Variants in ZFAT observed in about 807,000 individuals in gnomAD.
ZFAT encodes the protein zinc finger protein ZFAT.
In ZFAT, 64 loss-of-function variants were observed where a neutral mutation model predicts 117.7. That is an observed-to-expected ratio of 0.54 (90% CI 0.44 to 0.67). The LOEUF (loss-of-function observed/expected upper bound fraction) is 0.67, where lower values mean the gene tolerates loss of function less well. Ranked by LOEUF, ZFAT falls within the 30% of genes least tolerant of loss-of-function variation. The pLI, the probability that ZFAT is intolerant of heterozygous loss-of-function variation, is 0.00. For missense variants in ZFAT, 1,433 were observed against 1,584.5 expected, an observed-to-expected ratio of 0.90 and a Z score of 1.62; for synonymous variants, 679 against 615.0, an observed-to-expected ratio of 1.10 and a Z score of -1.54.
At chr8:134,733,522 A>T in the ZFAT span, among the ~76,000 whole-genome samples, 3 of 152,182 alleles carry the variant, frequency 2.0e-5, no homozygotes, top group Admixed American at 2.0e-4. Context: ...TATCTGCTGG[A>T]CCTATTGTCC....
At chr8:134,495,820 C>G (rs546007549) in intron 15 of ZFAT, among the ~76,000 whole-genome samples, 1 of 152,236 alleles carries the variant, frequency 6.6e-6, no homozygotes, top group African/African-American at 2.4e-5. Flanking sequence ...GTCCCAGCTA[C>G]TCTGGAGGCT....
At chr8:134,625,846 C>G (rs1156634173) in intron 3 of ZFAT, among the ~76,000 whole-genome samples, 1 of 152,162 alleles carries the variant, frequency 6.6e-6, no homozygotes. Flanking sequence ...GCATGGTCAC[C>G]GTGAGACCGT....
At chr8:134,535,849 A>G (rs1008877854) in intron 11 of ZFAT, among the ~76,000 whole-genome samples, 1 of 152,236 alleles carries the variant, frequency 6.6e-6, no homozygotes, top group African/African-American at 2.4e-5. Flanking sequence ...ATAAGCAAAT[A>G]ACATGAAGAT....
chr8:134,632,195 A>C (rs1489833310), intron 3 of ZFAT, among the ~76,000 whole-genome samples: 1 of 152,226 alleles, frequency 6.6e-6, no homozygotes, highest in Non-Finnish European at 1.5e-5. Context: ...AATGAAGATG[A>C]AGATCTTTAT....
rs76606074 is a variant in ZFAT at position 134,658,456 on chromosome 8, T to C, written c.20-719A>G. Among the ~76,000 whole-genome samples the C allele has an allele frequency of 8.0e-3, 1,223 of 152,276 alleles. 12 individuals carry two copies. Among genetic ancestry groups the C allele is most frequent in the African/African-American group, 0.028 (1,172 of 41,560 alleles). ...CTCTCAAATTACGCACAAGGAAAAG[T>C]TGACCACAATAGCATTTCTCAACAG... is the stretch of plus-strand genomic sequence containing the variant. On this transcript the variant is annotated intron_variant, in intron 1 of 15. Transcript: ENST00000377838.
chr8:134,639,829 C>G (rs1481312557), intron 2 of ZFAT: 2 of 455,436 alleles, frequency 4.4e-6, no homozygotes, highest in Non-Finnish European at 8.8e-6. Flanking sequence ...TTTACTGAAG[C>G]CTGCGGCCCA....
At chr8:134,571,606 A>G (rs770115875) in intron 10 of ZFAT, among the ~76,000 whole-genome samples, 34 of 152,352 alleles carry the variant, frequency 2.2e-4, no homozygotes, top group Non-Finnish European at 4.1e-4. Flanking sequence ...TTGACCAAAC[A>G]GCGTTCTCTA....
chr8:134,587,734 C>A (rs1265446858), intron 9 of ZFAT, among the ~76,000 whole-genome samples: 2 of 152,196 alleles, frequency 1.3e-5, no homozygotes, highest in African/African-American at 4.8e-5. Flanking sequence ...CCCAAAAGCA[C>A]AGCCTACCTT....
chr8:134,693,227 G>C (rs1833669640), intron 1 of ZFAT, among the ~76,000 whole-genome samples: 1 of 152,176 alleles, frequency 6.6e-6, no homozygotes, highest in African/African-American at 2.4e-5. Context: ...TGATTCCAGA[G>C]CTGGAACAGG....
intron 1 of ZFAT, among the ~76,000 whole-genome samples, chr8:134,693,238 G>A (rs1018532366): frequency 7.2e-5 from 11 of 152,276 alleles, no homozygotes; most frequent in African/African-American, 2.6e-4. Flanking sequence ...CTGGAACAGG[G>A]AAAGCAGAAA....
At chr8:134,831,835 G>T in the ZFAT span, among the ~76,000 whole-genome samples, 1 of 151,686 alleles carries the variant, frequency 6.6e-6, no homozygotes. Context: ...CGCCAAAAAA[G>T]CACCCCCCGA....
chr8:134,553,461 C>T lies in ZFAT; in HGVS notation c.2976+11872G>A, dbSNP rs143281215. ...GAAGTTTCAGCGAGCCGAGATCGCG[C>T]CACTGCACTACAGCCTGGGCAACAG... On this transcript the variant is annotated intron_variant, in intron 11 of 15. Coordinates refer to ENST00000377838, the MANE Select transcript of ZFAT (RefSeq NM_020863.4). 1.1e-4 allele frequency among the ~76,000 whole-genome samples: 17 copies of T among 152,270 alleles called. No homozygotes were observed. The East Asian group carries it at 2.9e-3, about 26-fold the overall frequency.
chr8:134,593,314 A>G (rs940037736), intron 7 of ZFAT, among the ~76,000 whole-genome samples: 1 of 148,470 alleles, frequency 6.7e-6, no homozygotes, highest in Admixed American at 6.7e-5. Flanking sequence ...GCCTTTGAAG[A>G]CTGTCAGAAG....
At chr8:134,728,011 G>A in the ZFAT span, among the ~76,000 whole-genome samples, 1 of 152,196 alleles carries the variant, frequency 6.6e-6, no homozygotes, top group Non-Finnish European at 1.5e-5. Flanking sequence ...CTGGTACTGA[G>A]CAGACATGCT....
At position 134,670,432 on chromosome 8, in the gene ZFAT, C is replaced by T. The variant is rs551877766; in HGVS notation, c.20-12695G>A. On this transcript the variant is annotated intron_variant, in intron 1 of 15. Transcript: ENST00000377838. The stretch of plus-strand genomic sequence containing the variant: ...AGACCACAGTGCAATCAAACTAGAA[C>T]TCAGGATTAAGAAACTCAATCAAAA... Among the ~76,000 whole-genome samples, 347 of 152,354 alleles carry T rather than the reference C, an allele frequency of 2.3e-3. 1 individual carries two copies. Among genetic ancestry groups the T allele is most frequent in the African/African-American group, 8.1e-3 (336 of 41,572 alleles).
the ZFAT span, among the ~76,000 whole-genome samples, chr8:134,782,601 A>G: frequency 6.6e-6 from 1 of 152,060 alleles, no homozygotes; most frequent in South Asian, 2.1e-4. Flanking sequence ...CATGGGGGTG[A>G]TTTCCCTCAT....
chr8:134,553,317 A>C (rs1448505671), intron 11 of ZFAT, among the ~76,000 whole-genome samples: 5 of 152,216 alleles, frequency 3.3e-5, no homozygotes, highest in Admixed American at 3.3e-4. Flanking sequence ...AGCCTGGCCA[A>C]GATGGTGAAA....
intron 9 of ZFAT, among the ~76,000 whole-genome samples, chr8:134,587,180 C>T (rs1041404259): frequency 1.3e-5 from 2 of 152,208 alleles, no homozygotes; most frequent in Non-Finnish European, 2.9e-5. Context: ...CAGGAGTGAA[C>T]ATTTGACACA....
rs149366083 is a variant in ZFAT at position 134,510,406 on chromosome 8, C to T, written c.3362-657G>A. ...CACTAATTTACTAAAAGAGAAATGA[C>T]TGCTTGATCTCCACCTCAGCATGAT... is the stretch of plus-strand genomic sequence containing the variant. On this transcript the variant is annotated intron_variant, in intron 14 of 15. Transcript: ENST00000377838. Among the ~76,000 whole-genome samples the T allele has an allele frequency of 4.7e-3, 716 of 152,310 alleles. 10 individuals are homozygous for T. Among genetic ancestry groups the T allele is most frequent in the African/African-American group, 0.016 (673 of 41,572 alleles).
Sources: gnomAD v4.1 joint callset for allele counts (sites outside exome capture counted in the v4.1 genomes callset) on GRCh38, gnomAD v4.1.1 for gene constraint, MANE v1.5 for transcripts, NCBI Gene and HGNC (gene_info 2026-07-23, HGNC 2026-07-21) for gene names.